CACNA1C: variants seen among roughly 807,000 people sequenced by gnomAD.
CACNA1C encodes voltage-dependent L-type calcium channel subunit alpha-1C.
Under a neutral mutation model 229.0 loss-of-function variants are expected in CACNA1C, and 30 were observed. The ratio of observed to expected loss-of-function variants is 0.13; its 90% CI spans 0.10 to 0.18. CACNA1C has a LOEUF of 0.18. Ranked by LOEUF, CACNA1C falls within the 10% of genes least tolerant of loss-of-function variation. CACNA1C has a pLI of 1.00. For synonymous variants in CACNA1C, 1,114 were observed against 1,132.5 expected, an observed-to-expected ratio of 0.98 and a Z score of 0.33; for missense variants, 1,658 against 2,845.0, an observed-to-expected ratio of 0.58 and a Z score of 9.49.
intron 1 of CACNA1C, among the ~76,000 whole-genome samples, chr12:2,095,439 T>A (rs1301929689): frequency 6.6e-6 from 1 of 152,182 alleles, no homozygotes; most frequent in South Asian, 2.1e-4. Flanking sequence ...TGAAAAATGG[T>A]AGTGCCATTG....
At chr12:2,550,353 A>G (rs1013137641) in intron 10 of CACNA1C, among the ~76,000 whole-genome samples, 1 of 152,108 alleles carries the variant, frequency 6.6e-6, no homozygotes, top group Non-Finnish European at 1.5e-5. Context: ...GGGCGGCCCC[A>G]AAGTCTGTTT....
intron 3 of CACNA1C, among the ~76,000 whole-genome samples, chr12:2,353,240 A>G (rs1161236877): frequency 6.6e-6 from 1 of 152,076 alleles, no homozygotes; most frequent in Admixed American, 6.5e-5. Context: ...ACAGGGAGAG[A>G]TGCTGGCCTA....
At chr12:2,485,692 G>A (rs1219334320) in intron 5 of CACNA1C, among the ~76,000 whole-genome samples, 1 of 152,140 alleles carries the variant, frequency 6.6e-6, no homozygotes, top group East Asian at 1.9e-4. Context: ...ATCCCACCAT[G>A]GGAAAAACCT....
rs987102357 is a variant in CACNA1C, at chr12:2,140,254, T to A, written c.477+19824T>A. ...GGTGGGTGGACGATTTGCAGAATGG[T>A]CGGAGACCCTCCAGCAAGAGGATCC... is the stretch of plus-strand genomic sequence containing the variant. On this transcript the variant is annotated intron_variant, in intron 3 of 46. Transcript: ENST00000399655. Among the ~76,000 whole-genome samples, 4 of 151,288 alleles carry A rather than the reference T, an allele frequency of 2.6e-5. No homozygotes were observed. The Admixed American group carries it at 2.7e-4, about 10-fold the overall frequency.
upstream of CACNA1C, among the ~76,000 whole-genome samples, chr12:2,051,994 C>T (rs1055756585): frequency 2.6e-5 from 4 of 152,122 alleles, no homozygotes; most frequent in Middle Eastern, 3.2e-3. Flanking sequence ...AGGTTTTCCC[C>T]AAGAGGGAGT....
intron 29 of CACNA1C, among the ~76,000 whole-genome samples, chr12:2,615,205 G>A (rs1408714977): frequency 6.6e-6 from 1 of 152,226 alleles, no homozygotes; most frequent in African/African-American, 2.4e-5. Context: ...ACACGAAGGT[G>A]CAGGACCAGG....
intron 3 of CACNA1C, among the ~76,000 whole-genome samples, chr12:2,129,718 G>A (rs181618050): frequency 1.7e-4 from 26 of 152,314 alleles, no homozygotes; most frequent in African/African-American, 6.0e-4. Flanking sequence ...CTGGGGAGCT[G>A]TCAGGAGAGC....
intron 1 of CACNA1C, among the ~76,000 whole-genome samples, chr12:2,062,423 C>T (rs564781632): frequency 1.6e-4 from 24 of 152,340 alleles, no homozygotes; most frequent in Admixed American, 1.4e-3. Context: ...TCAGGTCTGT[C>T]GGACTTTCAA....
At chr12:2,039,031 T>C (rs2049633433) in intron 1 of CACNA1C, among the ~76,000 whole-genome samples, 1 of 152,210 alleles carries the variant, frequency 6.6e-6, no homozygotes, top group South Asian at 2.1e-4. Context: ...GTAAACACAA[T>C]GTCCATAGGT....
chr12:2,051,607 G>C (rs1460978489), upstream of CACNA1C, among the ~76,000 whole-genome samples: 1 of 152,170 alleles, frequency 6.6e-6, no homozygotes, highest in Non-Finnish European at 1.5e-5. Flanking sequence ...AAGTGGTCAG[G>C]TTCTGAATTC....
At chr12:2,118,813 A>AG (rs1209589035) in intron 2 of CACNA1C, among the ~76,000 whole-genome samples, 2 of 152,222 alleles carry the variant, frequency 1.3e-5, no homozygotes, top group Non-Finnish European at 2.9e-5. Context: ...GCTATATGCC[A>AG]GCTTGGGGTC....
chr12:2,536,734 T>C (rs1264164568), intron 9 of CACNA1C, among the ~76,000 whole-genome samples: 1 of 151,974 alleles, frequency 6.6e-6, no homozygotes, highest in African/African-American at 2.4e-5. Context: ...AAGGTTGTGG[T>C]GGGAGGATCA....
chr12:2,202,448 T>C (rs1012432567), intron 3 of CACNA1C, among the ~76,000 whole-genome samples: 1 of 152,276 alleles, frequency 6.6e-6, no homozygotes, highest in African/African-American at 2.4e-5. Context: ...AACTAAGTAG[T>C]AGTCATATAT....
At chr12:2,123,451 C>T (rs865903803) in intron 3 of CACNA1C, among the ~76,000 whole-genome samples, 6 of 151,760 alleles carry the variant, frequency 4.0e-5, no homozygotes, top group South Asian at 2.1e-4. Flanking sequence ...ACCTCAGTTC[C>T]CCAGCTTGTA....
chr12:2,373,533 A>T lies in CACNA1C; in HGVS notation c.478-75443A>T, dbSNP rs545843864. Among the ~76,000 whole-genome samples the T allele has an allele frequency of 2.0e-5, 3 of 152,232 alleles. No individual in the cohort carries two copies. The South Asian group carries it at 6.2e-4, about 32-fold the overall frequency. On this transcript the variant is annotated intron_variant, in intron 3 of 46. Coordinates refer to ENST00000399655, the MANE Select transcript of CACNA1C (RefSeq NM_000719.7). ...AGAGGGTGTCCCAGGCAGCATGCAG[A>T]GGCCAGCATGGAGCGCTCTGAACTG...
chr12:2,448,829 C>A, intron 3 of CACNA1C, 147 bp from the exon 4 acceptor site: 1 of 587,656 alleles, frequency 1.7e-6, no homozygotes, highest in Non-Finnish European at 2.9e-6. Flanking sequence ...CGTGGAGTTG[C>A]TAATTTGGCC....
chr12:2,199,823 C>T lies in CACNA1C; in HGVS notation c.477+79393C>T, dbSNP rs75878056. 3.1e-4 allele frequency among the ~76,000 whole-genome samples: 47 copies of T among 152,196 alleles called. No individual in the cohort carries two copies. The East Asian group carries it at 8.7e-3, about 28-fold the overall frequency. ...ACTTCAGCCGAGAGGTGAAGGCTGC[C>T]GTGAGGCAGGACCATATCACTGCAC... On this transcript the variant is annotated intron_variant, in intron 3 of 46. Transcript: ENST00000399655.
intron 18 of CACNA1C, among the ~76,000 whole-genome samples, chr12:2,591,564 A>T (rs534815266): frequency 1.3e-4 from 20 of 152,220 alleles, no homozygotes; most frequent in Middle Eastern, 3.4e-3. Context: ...GTACTCAGGA[A>T]AGTTGGAAGG....
intron 1 of CACNA1C, among the ~76,000 whole-genome samples, chr12:2,083,488 C>CT (rs1189150060): frequency 1.3e-5 from 2 of 152,196 alleles, no homozygotes; most frequent in East Asian, 3.9e-4. Context: ...CAGCATGTAC[C>CT]TTGCCATTGG....
Sources: allele counts gnomAD v4.1 joint callset (sites outside exome capture counted in the v4.1 genomes callset), GRCh38; gene constraint gnomAD v4.1.1; transcripts MANE v1.5; gene names NCBI Gene and HGNC (gene_info 2026-07-23, HGNC 2026-07-21).